The following MACROD2 variants were observed in gnomAD, a reference collection of about 807,000 sequenced individuals.
MACROD2 encodes the protein ADP-ribose glycohydrolase MACROD2.
A neutral mutation model predicts 70.4 loss-of-function variants in MACROD2; 36 were observed. The ratio of observed to expected loss-of-function variants is 0.51; its 90% confidence interval spans 0.39 to 0.68. MACROD2 has a LOEUF of 0.68. MACROD2 is among the 30% of genes least tolerant of loss of function. The pLI, the probability that MACROD2 is intolerant of heterozygous loss-of-function variation, is 0.00. For missense variants in MACROD2, 496 were observed against 538.4 expected (o/e 0.92, Z 0.78); for synonymous variants, 172 against 178.8 (o/e 0.96, Z 0.30).
At chr20:15,822,458 CTT>C (rs1174249899) in intron 8 of MACROD2, among the ~76,000 whole-genome samples, 1 of 152,018 alleles carries the variant, frequency 6.6e-6, no homozygotes, top group African/African-American at 2.4e-5. Flanking sequence ...GAAGTCATAA[CTT>C]AATTACATTT....
chr20:14,704,237 T>G (rs1396480967), intron 5 of MACROD2, among the ~76,000 whole-genome samples: 1 of 152,162 alleles, frequency 6.6e-6, no homozygotes, highest in Non-Finnish European at 1.5e-5. Flanking sequence ...GGCCCAAATC[T>G]TCATCGTCCC....
chr20:14,293,705 A>G (rs1280252104), intron 3 of MACROD2, among the ~76,000 whole-genome samples: 2 of 151,806 alleles, frequency 1.3e-5, no homozygotes, highest in African/African-American at 4.9e-5. Flanking sequence ...TTAAGGCAGC[A>G]TTTTGGCAGA....
intron 8 of MACROD2, among the ~76,000 whole-genome samples, chr20:15,546,226 C>T (rs1012429458): frequency 1.3e-5 from 2 of 152,242 alleles, no homozygotes; most frequent in Non-Finnish European, 2.9e-5. Flanking sequence ...GCCTGGGCAA[C>T]AAGAGCAAAA....
At chr20:14,229,897 C>A (rs1420879580) in intron 3 of MACROD2, among the ~76,000 whole-genome samples, 5 of 152,106 alleles carry the variant, frequency 3.3e-5, no homozygotes, top group Non-Finnish European at 4.4e-5. Context: ...TGGTTTCAGA[C>A]CACCACAATA....
At chr20:14,004,173 T>G (rs1259301431) in intron 2 of MACROD2, among the ~76,000 whole-genome samples, 1 of 152,222 alleles carries the variant, frequency 6.6e-6, no homozygotes, top group Non-Finnish European at 1.5e-5. Context: ...TTTCAGATTT[T>G]GGAGCATTTG....
chr20:14,029,500 G>C (rs1196384214), intron 2 of MACROD2, among the ~76,000 whole-genome samples: 1 of 152,220 alleles, frequency 6.6e-6, no homozygotes, highest in Admixed American at 6.5e-5. Context: ...ATGGGGGCAA[G>C]ATGGGTAACT....
At chr20:14,789,481 T>C (rs1568796966) in intron 5 of MACROD2, among the ~76,000 whole-genome samples, 1 of 128,028 alleles carries the variant, frequency 7.8e-6, no homozygotes, top group Non-Finnish European at 1.7e-5. Context: ...TTTTTTTTTT[T>C]TTTTTTTTTT....
intron 5 of MACROD2, among the ~76,000 whole-genome samples, chr20:14,864,455 A>G (rs1016927299): frequency 6.6e-6 from 1 of 152,106 alleles, no homozygotes; most frequent in Non-Finnish European, 1.5e-5. Flanking sequence ...TAATTTTAAG[A>G]TTTCAATGTT....
rs6043430 is a variant in MACROD2 at position 15,678,546 on chromosome 20, A to T, written c.645+178699A>T. 4.4e-3 allele frequency among the ~76,000 whole-genome samples: 665 copies of T among 152,220 alleles called. 3 individuals are homozygous for T. The highest frequency in any genetic ancestry group is 0.015 in the African/African-American group (632 of 41,550). ...GGCTAATTTTTTGTATTTTTAGTAG[A>T]GACGAGGTTTCGTTATGTTAGCCAG... On this transcript the variant is annotated intron_variant, in intron 8 of 17. Transcript: ENST00000684519.
chr20:14,072,934 GAA>G (rs201463181), intron 2 of MACROD2, among the ~76,000 whole-genome samples: 2 of 118,106 alleles, frequency 1.7e-5, no homozygotes, highest in African/African-American at 3.3e-5. Context: ...ACTCCGTCTA[GAA>G]AAAAAAAAAA....
intron 13 of MACROD2, among the ~76,000 whole-genome samples, chr20:15,984,975 G>T (rs1168366818): frequency 1.3e-5 from 2 of 152,076 alleles, no homozygotes; most frequent in Non-Finnish European, 2.9e-5. Flanking sequence ...ACGGAAACTG[G>T]CCTGGGTGCC....
intron 2 of MACROD2, among the ~76,000 whole-genome samples, chr20:14,033,123 A>G (rs749109284): frequency 7.8e-6 from 1 of 128,704 alleles, no homozygotes; most frequent in Non-Finnish European, 1.7e-5. Context: ...TATTTTCTAT[A>G]TGGAATTTCT....
rs142050751 is a variant in MACROD2 at position 15,847,245 on chromosome 20, C to A, written c.646-15500C>A. 6.7e-3 allele frequency among the ~76,000 whole-genome samples: 1,013 copies of A among 152,178 alleles called. 16 individuals carry two copies. Among genetic ancestry groups the A allele is most frequent in the African/African-American group, 0.023 (973 of 41,522 alleles). On this transcript the variant is annotated intron_variant, in intron 8 of 17. Coordinates refer to ENST00000684519, the MANE Select transcript of MACROD2 (RefSeq NM_001351661.2). Reference sequence around the variant, plus strand: ...AAATCATTCGGCTAAGCCCATGGAACAAATTCATACTTAAGGTAGATGGTT... The same window carrying A: ...AAATCATTCGGCTAAGCCCATGGAAAAAATTCATACTTAAGGTAGATGGTT...
At chr20:14,179,751 C>T (rs2148730278) in intron 3 of MACROD2, among the ~76,000 whole-genome samples, 1 of 152,176 alleles carries the variant, frequency 6.6e-6, no homozygotes, top group Non-Finnish European at 1.5e-5. Flanking sequence ...ATTTATTGTT[C>T]TTCAAGTGGT....
intron 3 of MACROD2, among the ~76,000 whole-genome samples, chr20:14,255,161 G>T (rs1342940714): frequency 6.6e-6 from 1 of 152,002 alleles, no homozygotes; most frequent in African/African-American, 2.4e-5. Flanking sequence ...CTCTCTGGCT[G>T]CCCTTAACAA....
At chr20:15,731,669 G>A (rs2050944798) in intron 8 of MACROD2, among the ~76,000 whole-genome samples, 1 of 58,994 alleles carries the variant, frequency 1.7e-5, no homozygotes, top group Admixed American at 1.7e-4. Context: ...ACACATGCTA[G>A]GAGCCATGGC....
chr20:14,132,085 C>T (rs2054725868), intron 3 of MACROD2, among the ~76,000 whole-genome samples: 1 of 143,928 alleles, frequency 6.9e-6, no homozygotes, highest in African/African-American at 2.6e-5. Flanking sequence ...GAGCCAAGAT[C>T]ACGCCACTGC....
intron 8 of MACROD2, among the ~76,000 whole-genome samples, chr20:15,797,989 T>C (rs967835979): frequency 4.6e-5 from 7 of 152,246 alleles, no homozygotes; most frequent in African/African-American, 1.7e-4. Context: ...TTGGAAGTTA[T>C]ACATTCTGCA....
At chr20:14,814,514 G>C (rs1264839314) in intron 5 of MACROD2, among the ~76,000 whole-genome samples, 1 of 151,826 alleles carries the variant, frequency 6.6e-6, no homozygotes, top group Non-Finnish European at 1.5e-5. Flanking sequence ...ATCGTTTTTT[G>C]GAAGACACTA....
Sources: gnomAD v4.1 joint callset for allele counts (sites outside exome capture counted in the v4.1 genomes callset) on GRCh38, gnomAD v4.1.1 for gene constraint, MANE v1.5 for transcripts, NCBI Gene and HGNC (gene_info 2026-07-23, HGNC 2026-07-21) for gene names.